Variants in ZBTB20 observed in about 807,000 individuals in gnomAD.
ZBTB20 encodes zinc finger and BTB domain-containing protein 20.
Under a neutral mutation model 56.9 loss-of-function variants are expected in ZBTB20, and 9 were observed. The ratio of observed to expected loss-of-function variants is 0.16; its 90% CI spans 0.10 to 0.28. The LOEUF is 0.28. Among genes scored for constraint, ZBTB20 ranks in the 10% least tolerant of loss-of-function variants. ZBTB20 has a pLI of 1.00. For missense variants in ZBTB20, 655 were observed against 1,003.0 expected (o/e 0.65, Z 4.69); for synonymous variants, 417 against 420.7 (o/e 0.99, Z 0.11).
In ZBTB20 at chr3:115,072,491, A is replaced by C. The variant is rs560714992; in HGVS notation, c.-702-1077T>G. 3.9e-5 allele frequency among the ~76,000 whole-genome samples: 6 copies of C among 152,220 alleles called. No homozygotes were observed. In the South Asian group the frequency reaches 1.2e-3, roughly 32 times the overall value. On this transcript the variant is annotated intron_variant, in intron 1 of 11. Transcript: ENST00000675478. ...TGCCCACAGGAAGTGCTCCAAATAG[A>C]ATTAAGAGTCATAAGAACCTGCCAT...
rs2078811329 is a variant in ZBTB20 at position 114,319,389 on chromosome 3, T to A, written c.*19616A>T. 1 of 152,086 alleles carries A rather than the reference T, an allele frequency of 6.6e-6. No individual in the cohort carries two copies. The allele number at this position is 152,086 out of a possible 1,614,324, so 9.4% of individuals were successfully genotyped here. A position where few individuals can be genotyped will look rare whatever the true frequency, so the allele number is the denominator to read the frequency against. ...TAAATGTCTGTTTTTGCATAAAACA[T>A]GGAAGATGCAAAACATTTACTGTAT... On this transcript the variant is annotated 3_prime_UTR_variant, in exon 12 of 12. Transcript: ENST00000675478.
intron 6 of ZBTB20, among the ~76,000 whole-genome samples, chr3:114,501,390 C>G (rs2043939103): frequency 6.6e-6 from 1 of 152,030 alleles, no homozygotes; most frequent in Non-Finnish European, 1.5e-5. Flanking sequence ...CTTTGGGAGG[C>G]CAAGGTGGGT....
intron 2 of ZBTB20, among the ~76,000 whole-genome samples, chr3:115,064,808 T>C (rs1220745761): frequency 6.6e-6 from 1 of 152,136 alleles, no homozygotes; most frequent in Non-Finnish European, 1.5e-5. Context: ...CATTAAGAAA[T>C]CAGATACCAT....
intron 3 of ZBTB20, among the ~76,000 whole-genome samples, chr3:114,967,243 A>G (rs577989358): frequency 5.3e-5 from 8 of 152,340 alleles, no homozygotes; most frequent in African/African-American, 1.9e-4. Context: ...TCTAAATATT[A>G]ATAGATTTTA....
At chr3:114,358,502 G>C (rs893022648) in intron 10 of ZBTB20, among the ~76,000 whole-genome samples, 1 of 152,168 alleles carries the variant, frequency 6.6e-6, no homozygotes, top group Non-Finnish European at 1.5e-5. Context: ...AGGTCCAAAG[G>C]AGAAAGTAAT....
intron 2 of ZBTB20, among the ~76,000 whole-genome samples, chr3:115,004,270 G>T (rs1358419745): frequency 1.3e-5 from 2 of 151,584 alleles, no homozygotes; most frequent in Non-Finnish European, 3.0e-5. Context: ...GTCCTCAAAA[G>T]AGTACAGAAA....
At position 114,749,640 on chromosome 3, in the gene ZBTB20, C is replaced by G. The variant is rs557648171; in HGVS notation, c.-343+51461G>C. On this transcript the variant is annotated intron_variant, in intron 5 of 11. Transcript: ENST00000675478. ...GGAAGGAATAAATTGGCTATGCCTC[C>G]AAGTGAATTATACTATAAACTTCTT... is the stretch of plus-strand genomic sequence containing the variant. 3.3e-5 allele frequency among the ~76,000 whole-genome samples: 5 copies of G among 150,148 alleles called. No homozygotes were observed. The South Asian group carries it at 1.0e-3, about 31-fold the overall frequency.
chr3:114,721,913 A>G (rs1350539282), intron 5 of ZBTB20, among the ~76,000 whole-genome samples: 1 of 152,188 alleles, frequency 6.6e-6, no homozygotes, highest in South Asian at 2.1e-4. Flanking sequence ...TAATGGTCCA[A>G]TTGCTTTTTG....
intron 6 of ZBTB20, among the ~76,000 whole-genome samples, chr3:114,683,668 A>C (rs1395086400): frequency 6.6e-6 from 1 of 152,004 alleles, no homozygotes; most frequent in Non-Finnish European, 1.5e-5. Context: ...CCTTTAGTTG[A>C]GAGTTTCCCC....
intron 6 of ZBTB20, among the ~76,000 whole-genome samples, chr3:114,595,445 A>G (rs2056231143): frequency 6.6e-6 from 1 of 152,208 alleles, no homozygotes; most frequent in Admixed American, 6.5e-5. Flanking sequence ...TCACCTTAAA[A>G]TCTATGGTAT....
At chr3:115,114,593 T>C (rs1300674833) in intron 1 of ZBTB20, among the ~76,000 whole-genome samples, 1 of 152,150 alleles carries the variant, frequency 6.6e-6, no homozygotes, top group Non-Finnish European at 1.5e-5. Context: ...AGTTATAACA[T>C]TATGTTCCAA....
intron 7 of ZBTB20, among the ~76,000 whole-genome samples, chr3:114,476,019 T>C (rs1437016678): frequency 6.6e-6 from 1 of 152,180 alleles, no homozygotes; most frequent in African/African-American, 2.4e-5. Flanking sequence ...ATGTTCATGA[T>C]ATACAATTTA....
At chr3:114,597,765 A>C (rs1026644180) in intron 6 of ZBTB20, among the ~76,000 whole-genome samples, 1 of 152,146 alleles carries the variant, frequency 6.6e-6, no homozygotes, top group Non-Finnish European at 1.5e-5. Flanking sequence ...TCTGTTTTGG[A>C]TACATGGGAC....
At position 114,323,524 on chromosome 3, in the gene ZBTB20, G is replaced by A. The variant is rs2078966370; in HGVS notation, c.*15481C>T. Reference sequence around the variant, plus strand: ...ACAAGGCTATGTGTTTTTGAAAGGAGCACATCCTACTGCCCTCTGCCACAC... The same window carrying A: ...ACAAGGCTATGTGTTTTTGAAAGGAACACATCCTACTGCCCTCTGCCACAC... On this transcript the variant is annotated 3_prime_UTR_variant, in exon 12 of 12. Transcript: ENST00000675478. 1 of 152,214 alleles carries A rather than the reference G, an allele frequency of 6.6e-6. No homozygotes were observed. Among genetic ancestry groups the A allele is most frequent in the Non-Finnish European group, 1.5e-5 (1 of 68,044 alleles). 9.4% of individuals were successfully genotyped at this position (152,214 alleles called of 1,614,324 possible).
chr3:114,442,751 C>T (rs186902602), intron 7 of ZBTB20, among the ~76,000 whole-genome samples: 13 of 152,222 alleles, frequency 8.5e-5, no homozygotes, highest in African/African-American at 2.9e-4. Context: ...TCCACTGAAA[C>T]CTTGAAGGAC....
intron 5 of ZBTB20, among the ~76,000 whole-genome samples, chr3:114,718,495 A>C (rs1402611871): frequency 6.6e-6 from 1 of 152,090 alleles, no homozygotes; most frequent in Non-Finnish European, 1.5e-5. Flanking sequence ...ACCTGAACAC[A>C]GGGATTGCTT....
At chr3:114,452,370 A>G (rs1221468017) in intron 7 of ZBTB20, among the ~76,000 whole-genome samples, 2 of 152,212 alleles carry the variant, frequency 1.3e-5, no homozygotes, top group African/African-American at 4.8e-5. Context: ...AAAACATGTA[A>G]GTGTAAGAAG....
chr3:115,062,341 TATAAA>T (rs2082041626), intron 2 of ZBTB20, among the ~76,000 whole-genome samples: 1 of 152,224 alleles, frequency 6.6e-6, no homozygotes, highest in Admixed American at 6.5e-5. Context: ...TACAATCAAT[TATAAA>T]ATAAATCTTT....
At chr3:114,619,717 C>A (rs1278794440) in intron 6 of ZBTB20, among the ~76,000 whole-genome samples, 2 of 152,176 alleles carry the variant, frequency 1.3e-5, no homozygotes, top group East Asian at 3.8e-4. Context: ...ACCTATTTCT[C>A]TACTCATTGA....
Sources: allele counts gnomAD v4.1 joint callset (sites outside exome capture counted in the v4.1 genomes callset), GRCh38; gene constraint gnomAD v4.1.1; transcripts MANE v1.5; gene names NCBI Gene and HGNC (gene_info 2026-07-23, HGNC 2026-07-21).